Variants in DOCK2 observed in about 807,000 individuals in gnomAD.
DOCK2 encodes dedicator of cytokinesis protein 2.
A neutral mutation model predicts 248.9 loss-of-function variants in DOCK2; 87 were observed. The ratio of observed to expected loss-of-function variants is 0.35; its 90% CI spans 0.29 to 0.42. DOCK2 has a LOEUF of 0.42. Ranked by LOEUF, DOCK2 falls within the 10% of genes least tolerant of loss-of-function variation. DOCK2 has a pLI of 1.00. For synonymous variants in DOCK2, 805 were observed against 821.6 expected, an observed-to-expected ratio of 0.98 and a Z score of 0.35; for missense variants, 1,747 against 2,300.2, an observed-to-expected ratio of 0.76 and a Z score of 4.92.
chr5:169,770,837 A>G (rs1765040367), intron 25 of DOCK2, among the ~76,000 whole-genome samples: 1 of 152,172 alleles, frequency 6.6e-6, no homozygotes, highest in Admixed American at 6.5e-5. Flanking sequence ...ATAAGCCATA[A>G]TTTGTTCATT....
chr5:169,777,396 C>T (rs1194552189), intron 25 of DOCK2, among the ~76,000 whole-genome samples: 2 of 152,194 alleles, frequency 1.3e-5, no homozygotes, highest in Admixed American at 1.3e-4. Flanking sequence ...CCTCATTAGT[C>T]CTAGGCAGCC....
chr5:169,681,427 A>AT (rs35535700), intron 6 of DOCK2, among the ~76,000 whole-genome samples: 2,384 of 137,914 alleles, frequency 0.017, 34 homozygotes, highest in African/African-American at 0.042. Context: ...CCCAGCTAAC[A>AT]TTTTTTTTTT....
chr5:169,713,766 G>T (rs748453499), intron 17 of DOCK2, among the ~76,000 whole-genome samples: 1 of 152,136 alleles, frequency 6.6e-6, no homozygotes, highest in African/African-American at 2.4e-5. Flanking sequence ...TTTCAATTCC[G>T]TTTTTATTTT....
chr5:169,687,457 C>T (rs548958671), intron 8 of DOCK2, among the ~76,000 whole-genome samples: 160 of 152,194 alleles, frequency 1.1e-3, no homozygotes, highest in African/African-American at 3.5e-3. Flanking sequence ...GAGAGAGGAA[C>T]GAGGCATCAG....
At chr5:169,644,800 C>G (rs960524977) in intron 1 of DOCK2, among the ~76,000 whole-genome samples, 2 of 151,968 alleles carry the variant, frequency 1.3e-5, no homozygotes, top group Admixed American at 6.6e-5. Flanking sequence ...TGCAACTCCC[C>G]CACCCCCTGA....
At chr5:169,995,775 G>T (rs1039395967) in intron 29 of DOCK2, among the ~76,000 whole-genome samples, 10 of 151,626 alleles carry the variant, frequency 6.6e-5, no homozygotes, top group Admixed American at 5.9e-4. Flanking sequence ...TTTGGGGATG[G>T]GGGGGGTGAT....
intron 25 of DOCK2, among the ~76,000 whole-genome samples, chr5:169,802,772 C>A (rs1012816130): frequency 6.6e-6 from 1 of 152,022 alleles, no homozygotes; most frequent in African/African-American, 2.4e-5. Flanking sequence ...CTAGATATTT[C>A]ATATGGCACA....
intron 27 of DOCK2, among the ~76,000 whole-genome samples, chr5:169,877,813 C>T (rs1772415798): frequency 6.6e-6 from 1 of 152,056 alleles, no homozygotes; most frequent in African/African-American, 2.4e-5. Flanking sequence ...ACAAACAAAA[C>T]CTCTTCTATT....
rs1289263393 is a variant in DOCK2, at chr5:169,704,757, A to ATG, written c.1383+2331_1383+2332insGT. Among the ~76,000 whole-genome samples, 72 of 118,376 alleles carry ATG rather than the reference A, an allele frequency of 6.1e-4. 1 individual carries two copies. The East Asian group carries it at 0.014, about 22-fold the overall frequency. The allele number at this position is 118,376 out of a possible 152,430, so 77.7% of individuals were successfully genotyped here. On this transcript the variant is annotated intron_variant, in intron 14 of 51. Coordinates refer to ENST00000520908, the MANE Select transcript of DOCK2 (RefSeq NM_004946.3). Reference sequence around the variant, plus strand: ...TCAAAACATCTCATTTACTCCATATATATGTGTGTGTGTGTGTGTGTGTGT... The same window carrying ATG: ...TCAAAACATCTCATTTACTCCATATATGTATGTGTGTGTGTGTGTGTGTGTGT...
At chr5:169,802,937 T>C in intron 25 of DOCK2, 121 bp from the exon 26 acceptor site, 2 of 1,247,876 alleles carry the variant, frequency 1.6e-6, no homozygotes, top group South Asian at 3.0e-5. Context: ...AATATTTTAA[T>C]TTTTTACAAG....
chr5:169,978,490 CATG>C (rs915634026), intron 27 of DOCK2, among the ~76,000 whole-genome samples: 8 of 149,832 alleles, frequency 5.3e-5, no homozygotes, highest in East Asian at 2.0e-4. Context: ...TTGTCAATAT[CATG>C]ATGATGATGA....
At chr5:169,870,146 A>C (rs1300875984) in intron 27 of DOCK2, among the ~76,000 whole-genome samples, 1 of 152,186 alleles carries the variant, frequency 6.6e-6, no homozygotes, top group African/African-American at 2.4e-5. Context: ...AGAGCCCTTC[A>C]CATCCAAGGA....
intron 26 of DOCK2, among the ~76,000 whole-genome samples, chr5:169,815,772 C>T (rs973741084): frequency 3.3e-5 from 5 of 152,086 alleles, no homozygotes; most frequent in Admixed American, 3.3e-4. Flanking sequence ...AGTCCTGGCC[C>T]CTGCACAGTC....
intron 22 of DOCK2, among the ~76,000 whole-genome samples, chr5:169,741,690 C>G (rs1763310916): frequency 6.6e-6 from 1 of 152,174 alleles, no homozygotes; most frequent in Admixed American, 6.5e-5. Context: ...TTCCCTCCAA[C>G]AGTCCCATAG....
chr5:170,027,765 A>G lies in DOCK2; in HGVS notation c.3382-98A>G, dbSNP rs1016404243. 4 of 1,115,654 alleles carry G rather than the reference A, an allele frequency of 3.6e-6. No homozygotes were observed. In the African/African-American group the frequency reaches 6.2e-5, roughly 17 times the overall value. The allele number at this position is 1,115,654 out of a possible 1,614,324, so 69.1% of individuals were successfully genotyped here. ...TCCCAGCACTCAACCTGGGAGATAA[A>G]GAGTGCTCCCTAAAGCTTTGGTTGA... On this transcript the variant is annotated intron_variant, in intron 33 of 51. Coordinates refer to ENST00000520908, the MANE Select transcript of DOCK2 (RefSeq NM_004946.3).
At chr5:170,046,904 C>G (rs1756734803) in intron 39 of DOCK2, among the ~76,000 whole-genome samples, 1 of 152,176 alleles carries the variant, frequency 6.6e-6, no homozygotes, top group African/African-American at 2.4e-5. Flanking sequence ...ATGGAAGATG[C>G]CATCGATCAT....
intron 27 of DOCK2, among the ~76,000 whole-genome samples, chr5:169,868,488 G>A (rs1253647496): frequency 6.6e-6 from 1 of 152,238 alleles, no homozygotes. Flanking sequence ...GCTGGGCGCA[G>A]TGGCTCATGC....
intron 25 of DOCK2, among the ~76,000 whole-genome samples, chr5:169,780,347 G>A (rs191579798): frequency 7.0e-4 from 100 of 143,850 alleles, no homozygotes; most frequent in African/African-American, 2.4e-3. Flanking sequence ...GTGTTGAATC[G>A]TTCTAACACA....
intron 29 of DOCK2, among the ~76,000 whole-genome samples, chr5:169,991,002 C>T (rs929833615): frequency 6.6e-6 from 1 of 152,228 alleles, no homozygotes; most frequent in African/African-American, 2.4e-5. Flanking sequence ...GCACTGGGCC[C>T]CTGCTTCATG....
Sources: gnomAD v4.1 joint callset for allele counts (sites outside exome capture counted in the v4.1 genomes callset) on GRCh38, gnomAD v4.1.1 for gene constraint, MANE v1.5 for transcripts, NCBI Gene and HGNC (gene_info 2026-07-23, HGNC 2026-07-21) for gene names.